Variants in C1orf105 observed in about 807,000 individuals in gnomAD.
C1orf105 encodes chromosome 1 open reading frame 105.
C1orf105 carries 17 observed loss-of-function variants against 20.8 expected under a neutral mutation model. That is an observed-to-expected ratio of 0.82 (90% CI 0.56 to 1.23). The LOEUF is 1.23. Ranked by LOEUF, C1orf105 falls within the 50% of genes most tolerant of loss-of-function variation. The pLI, the probability that C1orf105 is intolerant of heterozygous loss-of-function variation, is 0.00. For missense variants in C1orf105, 219 were observed against 213.5 expected, an observed-to-expected ratio of 1.03 and a Z score of -0.16; for synonymous variants, 72 against 72.1, an observed-to-expected ratio of 1.00 and a Z score of 0.01.
intron 4 of C1orf105, among the ~76,000 whole-genome samples, chr1:172,461,093 T>C (rs1451604313): frequency 6.6e-6 from 1 of 152,234 alleles, no homozygotes; most frequent in Non-Finnish European, 1.5e-5. Context: ...GCCACTTTTA[T>C]GTTTAGAAAT....
At chr1:172,426,115 A>G (rs1237613919) in intron 1 of C1orf105, among the ~76,000 whole-genome samples, 1 of 151,970 alleles carries the variant, frequency 6.6e-6, no homozygotes, top group African/African-American at 2.4e-5. Context: ...GATCAACAAA[A>G]TTCCCTGTAT....
intron 6 of C1orf105, among the ~76,000 whole-genome samples, chr1:172,465,971 C>A (rs1650022918): frequency 6.6e-6 from 1 of 152,208 alleles, no homozygotes; most frequent in South Asian, 2.1e-4. Context: ...GGGCTTACTG[C>A]AGCACAGGCT....
intron 2 of C1orf105, among the ~76,000 whole-genome samples, chr1:172,448,184 A>C (rs1002175239): frequency 7.9e-5 from 12 of 152,236 alleles, no homozygotes; most frequent in Admixed American, 7.9e-4. Flanking sequence ...TGTTGTGAAC[A>C]ATCTTTATCC....
At chr1:172,447,087 T>G (rs1648098819) in intron 2 of C1orf105, among the ~76,000 whole-genome samples, 1 of 152,194 alleles carries the variant, frequency 6.6e-6, no homozygotes, top group African/African-American at 2.4e-5. Context: ...TCAAAAGATC[T>G]TAAGGATTAA....
chr1:172,467,063 G>C (rs1243413179), intron 6 of C1orf105, among the ~76,000 whole-genome samples: 1 of 152,174 alleles, frequency 6.6e-6, no homozygotes, highest in Non-Finnish European at 1.5e-5. Flanking sequence ...AGAGTAGCAT[G>C]TTGTCCCACT....
At chr1:172,465,729 C>T in intron 6 of C1orf105, 1 of 462,652 alleles carries the variant, frequency 2.2e-6, no homozygotes, top group Non-Finnish European at 4.3e-6. Flanking sequence ...CATCTCTATA[C>T]CCTCAGAGCG....
chr1:172,436,852 G>A (rs544386856), intron 1 of C1orf105, among the ~76,000 whole-genome samples: 41 of 152,094 alleles, frequency 2.7e-4, no homozygotes, highest in African/African-American at 8.9e-4. Context: ...TCTGACAGAG[G>A]GCAAATATCC....
intron 5 of C1orf105, among the ~76,000 whole-genome samples, chr1:172,463,067 A>G (rs552781365): frequency 6.6e-6 from 1 of 152,140 alleles, no homozygotes; most frequent in South Asian, 2.1e-4. Flanking sequence ...GTGAGCCACC[A>G]TGCCCCACCT....
intron 3 of C1orf105, among the ~76,000 whole-genome samples, chr1:172,449,294 G>C (rs1648348896): frequency 6.6e-6 from 1 of 152,158 alleles, no homozygotes; most frequent in Non-Finnish European, 1.5e-5. Context: ...ACAGATGAGT[G>C]AGCAGACAGG....
chr1:172,458,605 G>A (rs1164643145), intron 4 of C1orf105, among the ~76,000 whole-genome samples: 2 of 152,126 alleles, frequency 1.3e-5, no homozygotes, highest in Non-Finnish European at 2.9e-5. Flanking sequence ...ACTTAATATT[G>A]TAAAGATGAA....
intron 5 of C1orf105, among the ~76,000 whole-genome samples, chr1:172,463,857 T>C (rs1464120963): frequency 6.6e-6 from 1 of 152,194 alleles, no homozygotes; most frequent in Non-Finnish European, 1.5e-5. Context: ...ATGAGATTGA[T>C]TGTTGTATTC....
At chr1:172,455,246 T>C (rs1248103228) in intron 3 of C1orf105, among the ~76,000 whole-genome samples, 1 of 152,202 alleles carries the variant, frequency 6.6e-6, no homozygotes, top group Non-Finnish European at 1.5e-5. Context: ...CATATGTCTC[T>C]CACAGGATGA....
At chr1:172,430,469 T>C in intron 1 of C1orf105, 1 of 586,736 alleles carries the variant, frequency 1.7e-6, no homozygotes, top group Middle Eastern at 3.3e-4. Context: ...TGAGACAGGG[T>C]CTTGCTTTTT....
At chr1:172,438,566 G>C (rs1457530245) in intron 1 of C1orf105, among the ~76,000 whole-genome samples, 2 of 152,222 alleles carry the variant, frequency 1.3e-5, no homozygotes, top group Non-Finnish European at 1.5e-5. Context: ...AAGAAAAGTG[G>C]TTTCCCAAAA....
intron 1 of C1orf105, among the ~76,000 whole-genome samples, chr1:172,433,607 T>C (rs2071940150): frequency 2.6e-5 from 4 of 152,190 alleles, no homozygotes; most frequent in Admixed American, 2.6e-4. Flanking sequence ...AAGGAAGCAC[T>C]AAACATGGGA....
intron 1 of C1orf105, among the ~76,000 whole-genome samples, chr1:172,434,341 A>G (rs1334215866): frequency 1.3e-5 from 2 of 152,224 alleles, no homozygotes; most frequent in East Asian, 3.8e-4. Flanking sequence ...AATATTGACC[A>G]CATAGTTGGA....
intron 1 of C1orf105, chr1:172,443,086 C>T: frequency 5.9e-6 from 1 of 169,824 alleles, no homozygotes; most frequent in Middle Eastern, 3.4e-3. Context: ...TAATCCTCAC[C>T]ACCTTGTAAG....
chr1:172,460,960 A>G (rs1182062614), intron 4 of C1orf105, among the ~76,000 whole-genome samples: 1 of 152,224 alleles, frequency 6.6e-6, no homozygotes, highest in Non-Finnish European at 1.5e-5. Context: ...AGCTGGATTT[A>G]GGGGATTTAG....
At chr1:172,462,369 C>T (rs1328270406) in intron 5 of C1orf105, 124 bp downstream of exon 5, 2 of 689,018 alleles carry the variant, frequency 2.9e-6, no homozygotes, top group Non-Finnish European at 4.6e-6. Flanking sequence ...GGCTTCTTGA[C>T]TGGTTTTATT....
Sources: gnomAD v4.1 joint callset for allele counts (sites outside exome capture counted in the v4.1 genomes callset) on GRCh38, gnomAD v4.1.1 for gene constraint, MANE v1.5 for transcripts, NCBI Gene and HGNC (gene_info 2026-07-23, HGNC 2026-07-21) for gene names.